Variants in SDK2 observed in about 807,000 individuals in gnomAD.
SDK2 encodes sidekick cell adhesion molecule 2, also known as protein sidekick-2.
Under a neutral mutation model 253.9 loss-of-function variants are expected in SDK2, and 105 were observed. The ratio of observed to expected loss-of-function variants is 0.41; its 90% CI spans 0.35 to 0.49. The LOEUF (loss-of-function observed/expected upper bound fraction) is 0.49, where lower values mean the gene tolerates loss of function less well. Ranked by LOEUF, SDK2 falls within the 20% of genes least tolerant of loss-of-function variation. The pLI is 0.06. For synonymous variants in SDK2, 1,249 were observed against 1,234.9 expected (o/e 1.01, Z -0.24); for missense variants, 2,608 against 3,003.0 (o/e 0.87, Z 3.07).
chr17:73,499,869 G>C (rs1450238788), intron 2 of SDK2, among the ~76,000 whole-genome samples: 1 of 10,740 alleles, frequency 9.3e-5, no homozygotes, highest in Admixed American at 1.1e-3. Flanking sequence ...CTGTGTGTGT[G>C]TGTGTGTGTG....
Position 73,447,560 on chromosome 17 carries a change from T to G in SDK2, c.613+55A>C. On this transcript the variant is annotated intron_variant, in intron 5 of 44. Transcript: ENST00000392650. This position sits in a 1 kb window ranked among gnomAD's most constrained non-coding sequence, Gnocchi z 4.0. The stretch of plus-strand genomic sequence containing the variant: ...TTCCCAATGATCCCCTGGAGCACCA[T>G]TGCTAAGATTTAATGGCCCGCTCCA... 6.5e-7 allele frequency: 1 copy of G among 1,544,128 alleles called. No individual in the cohort carries two copies.
chr17:73,447,476 G>T lies in SDK2; in HGVS notation c.613+139C>A. ...GGCTCTGCTGTGTCTCGTCCTCCTT[G>T]GGAAGGCTCCCCCCGGCCGTCCCCT... is the stretch of plus-strand genomic sequence containing the variant. On this transcript the variant is annotated intron_variant, in intron 5 of 44. Coordinates refer to ENST00000392650, the MANE Select transcript of SDK2 (RefSeq NM_001144952.2). This position sits in a 1 kb window ranked among gnomAD's most constrained non-coding sequence, Gnocchi z 4.0. 8.0e-7 allele frequency: 1 copy of T among 1,255,524 alleles called. No individual in the cohort carries two copies. The highest frequency in any genetic ancestry group is 1.1e-6 in the Non-Finnish European group (1 of 899,756). 77.8% of individuals were successfully genotyped at this position (1,255,524 alleles called of 1,614,324 possible). A position where few individuals can be genotyped will look rare whatever the true frequency, so the allele number is the denominator to read the frequency against.
rs147199790 is a variant in SDK2 at position 73,508,333 on chromosome 17, C to T, written c.65-736G>A. Among the ~76,000 whole-genome samples, 1,125 of 152,380 alleles carry T rather than the reference C, an allele frequency of 7.4e-3. 17 individuals carry two copies. Among genetic ancestry groups the T allele is most frequent in the Admixed American group, 0.035 (536 of 15,306 alleles). Reference sequence around the variant, plus strand: ...TTCTCTCGACAGAGACCGTGAATTTCGCCCCAGACTTCACAAGACTGCTCA... The same window carrying T: ...TTCTCTCGACAGAGACCGTGAATTTTGCCCCAGACTTCACAAGACTGCTCA... On this transcript the variant is annotated intron_variant, in intron 1 of 44. Coordinates refer to ENST00000392650, the MANE Select transcript of SDK2 (RefSeq NM_001144952.2).
intron 2 of SDK2, among the ~76,000 whole-genome samples, chr17:73,478,287 T>C (rs2063699544): frequency 6.6e-6 from 1 of 152,208 alleles, no homozygotes; most frequent in Non-Finnish European, 1.5e-5. Flanking sequence ...TAGCTGTGCA[T>C]GGAGCTTCCT....
rs2063519101 is a variant in SDK2, at chr17:73,455,450, C to A, written c.479+456G>T. ...CCCTGGCCACACCTCCGCCGCACAG[C>A]CAAGACACACACAGCCCTCACACAC... On this transcript the variant is annotated intron_variant, in intron 4 of 44. Transcript: ENST00000392650. The surrounding 1 kb of genome is among the most constrained non-coding windows in gnomAD (Gnocchi z 5.0). Among the ~76,000 whole-genome samples the A allele has an allele frequency of 6.6e-6, 1 of 152,008 alleles. No homozygotes were observed. Among genetic ancestry groups the A allele is most frequent in the Non-Finnish European group, 1.5e-5 (1 of 67,992 alleles).
At chr17:73,457,403 T>C (rs1387190000) in intron 3 of SDK2, among the ~76,000 whole-genome samples, 1 of 149,656 alleles carries the variant, frequency 6.7e-6, no homozygotes, top group African/African-American at 2.5e-5. Context: ...ATCAGCCAAG[T>C]GCAGTGGTAC....
chr17:73,473,984 C>T (rs1012450196), intron 2 of SDK2, among the ~76,000 whole-genome samples: 1 of 152,122 alleles, frequency 6.6e-6, no homozygotes, highest in African/African-American at 2.4e-5. Flanking sequence ...CTCCTAATCT[C>T]AGCATAAAGG....
intron 1 of SDK2, among the ~76,000 whole-genome samples, chr17:73,539,183 C>G (rs983397772): frequency 6.6e-6 from 1 of 152,178 alleles, no homozygotes; most frequent in African/African-American, 2.4e-5. Flanking sequence ...TCCCAAGGAA[C>G]TAAGGAGAAG....
Position 73,383,814 on chromosome 17 carries a change from C to A in SDK2, c.4705+62G>T. On this transcript the variant is annotated intron_variant, in intron 33 of 44. Transcript: ENST00000392650. The surrounding 1 kb of genome is among the most constrained non-coding windows in gnomAD (Gnocchi z 4.3). ...TTCCAGGAAGCTGAGAGCTCCAGAG[C>A]GGGAAGGTGAGGGTGACCGCCCCCA... The A allele has an allele frequency of 4.4e-6, 7 of 1,596,888 alleles. No homozygotes were observed. Among genetic ancestry groups the A allele is most frequent in the East Asian group, 2.2e-5 (1 of 44,528 alleles).
intron 2 of SDK2, chr17:73,504,350 A>G (rs7207944): frequency 0.6 from 90,118 of 149,420 alleles, 27,765 homozygotes; most frequent in Non-Finnish European, 0.66. Flanking sequence ...ATTATTGGCT[A>G]GGCGCGGTGG....
chr17:73,582,889 G>A (rs748613370), intron 1 of SDK2, among the ~76,000 whole-genome samples: 4 of 152,076 alleles, frequency 2.6e-5, no homozygotes, highest in Non-Finnish European at 5.9e-5. Flanking sequence ...TCCCTGCAAC[G>A]CCCCTCTCTG....
At chr17:73,483,631 G>T (rs1323810275) in intron 2 of SDK2, among the ~76,000 whole-genome samples, 1 of 78,838 alleles carries the variant, frequency 1.3e-5, no homozygotes, top group African/African-American at 4.9e-5. Flanking sequence ...ATATGTATAT[G>T]TATATATATA....
chr17:73,347,582 C>T (rs1220667945), intron 44 of SDK2, among the ~76,000 whole-genome samples: 1 of 152,202 alleles, frequency 6.6e-6, no homozygotes, highest in African/African-American at 2.4e-5. Flanking sequence ...CTTCCTGGCA[C>T]CTCCTGCACA....
intron 28 of SDK2, among the ~76,000 whole-genome samples, chr17:73,390,995 G>A (rs959832925): frequency 6.6e-6 from 1 of 152,208 alleles, no homozygotes; most frequent in African/African-American, 2.4e-5. Flanking sequence ...TCAAGTTCAC[G>A]CAGCTGCCGA....
chr17:73,587,017 G>C (rs977507234), intron 1 of SDK2, among the ~76,000 whole-genome samples: 1 of 152,148 alleles, frequency 6.6e-6, no homozygotes, highest in Non-Finnish European at 1.5e-5. Flanking sequence ...AGTGCGAATG[G>C]GATTAACTGT....
intron 16 of SDK2, among the ~76,000 whole-genome samples, chr17:73,416,199 A>ATCTTTTTTT (rs1555765415): frequency 3.3e-5 from 4 of 120,312 alleles, no homozygotes; most frequent in African/African-American, 1.3e-4. Context: ...AATGAATTCA[A>ATCTTTTTTT]TTTTTTTTTT....
intron 44 of SDK2, among the ~76,000 whole-genome samples, chr17:73,342,736 C>G (rs915901549): frequency 2.0e-5 from 3 of 152,116 alleles, no homozygotes; most frequent in African/African-American, 7.2e-5. Flanking sequence ...GCTTGTGGCA[C>G]GGGGAAGTTC....
At chr17:73,488,892 T>C (rs1363002858) in intron 2 of SDK2, among the ~76,000 whole-genome samples, 1 of 152,186 alleles carries the variant, frequency 6.6e-6, no homozygotes, top group Non-Finnish European at 1.5e-5. Flanking sequence ...CAGTTTGGCA[T>C]AGCATGGTGA....
At chr17:73,483,480 TG>T in intron 2 of SDK2, among the ~76,000 whole-genome samples, 1 of 36,568 alleles carries the variant, frequency 2.7e-5, no homozygotes, top group East Asian at 8.1e-4. Context: ...GGCTAATCTT[TG>T]TGTGTGTGTG....
Sources: allele counts gnomAD v4.1 joint callset (sites outside exome capture counted in the v4.1 genomes callset), GRCh38; gene constraint gnomAD v4.1.1; non-coding constraint Gnocchi (gnomAD v3.1); transcripts MANE v1.5; gene names NCBI Gene and HGNC (gene_info 2026-07-23, HGNC 2026-07-21).